The following RAPGEF5 variants were observed in gnomAD, a reference collection of about 807,000 sequenced individuals.
RAPGEF5 encodes the protein M-Ras-regulated GEF.
RAPGEF5 carries 65 observed loss-of-function variants against 125.2 expected under a neutral mutation model. The ratio of observed to expected loss-of-function variants is 0.52; its 90% CI spans 0.43 to 0.64. The LOEUF is 0.64. RAPGEF5 is among the 30% of genes least tolerant of loss of function. The pLI is 0.00. For missense variants in RAPGEF5, 958 were observed against 1,048.1 expected (o/e 0.91, Z 1.19); for synonymous variants, 391 against 385.9 (o/e 1.01, Z -0.16).
chr7:22,215,399 T>C (rs186361120), intron 9 of RAPGEF5, among the ~76,000 whole-genome samples: 2 of 152,350 alleles, frequency 1.3e-5, no homozygotes, highest in African/African-American at 4.8e-5. Flanking sequence ...GAAAGAATCC[T>C]GCTTTCTCAG....
intron 6 of RAPGEF5, among the ~76,000 whole-genome samples, chr7:22,267,956 T>A (rs1370020340): frequency 6.6e-6 from 1 of 152,100 alleles, no homozygotes; most frequent in Non-Finnish European, 1.5e-5. Flanking sequence ...AATTGCAGAT[T>A]TGCTATTCAA....
intron 1 of RAPGEF5, 103 bp from the exon 2 acceptor site, chr7:22,318,140 A>G (rs76573262): frequency 2.6e-6 from 2 of 771,822 alleles, no homozygotes; most frequent in Non-Finnish European, 1.8e-6. Context: ...TCTGCTATGA[A>G]AAAAAAAAAA....
intron 13 of RAPGEF5, among the ~76,000 whole-genome samples, chr7:22,160,857 T>A (rs777067891): frequency 1.8e-4 from 28 of 152,086 alleles, no homozygotes; most frequent in Non-Finnish European, 3.5e-4. Flanking sequence ...ATTCTAGAGA[T>A]CCCTAGCTGG....
At chr7:22,217,653 TAGAA>T (rs1391892777) in intron 9 of RAPGEF5, among the ~76,000 whole-genome samples, 1 of 152,200 alleles carries the variant, frequency 6.6e-6, no homozygotes, top group Admixed American at 6.5e-5. Context: ...TATTTATCAC[TAGAA>T]AGAAAGATCC....
At chr7:22,248,016 A>G (rs1255457878) in intron 7 of RAPGEF5, among the ~76,000 whole-genome samples, 4 of 152,204 alleles carry the variant, frequency 2.6e-5, no homozygotes, top group Non-Finnish European at 5.9e-5. Flanking sequence ...ACTATTACGT[A>G]CCATGCTCAG....
intron 11 of RAPGEF5, chr7:22,191,310 G>A (rs528086134): frequency 4.8e-6 from 1 of 209,616 alleles, no homozygotes; most frequent in East Asian, 9.2e-5. Context: ...CTTGAAGTTT[G>A]GAAGAGCTAC....
intron 11 of RAPGEF5, among the ~76,000 whole-genome samples, chr7:22,190,062 A>C (rs1436293914): frequency 6.6e-6 from 1 of 152,166 alleles, no homozygotes; most frequent in Non-Finnish European, 1.5e-5. Context: ...CAGGTGGATC[A>C]CGAGATCAGG....
At chr7:22,147,243 C>T (rs1431334959) in intron 18 of RAPGEF5, among the ~76,000 whole-genome samples, 16 of 152,202 alleles carry the variant, frequency 1.1e-4, no homozygotes, top group African/African-American at 3.4e-4. Context: ...AGTTCGCCCG[C>T]TCCTCCCCCA....
intron 1 of RAPGEF5, among the ~76,000 whole-genome samples, chr7:22,351,058 A>G (rs1192791293): frequency 6.6e-6 from 1 of 152,204 alleles, no homozygotes; most frequent in Non-Finnish European, 1.5e-5. Flanking sequence ...GTGAATTCAC[A>G]AGGTTTTTGG....
At chr7:22,142,630 A>C (rs1783300671) in intron 20 of RAPGEF5, among the ~76,000 whole-genome samples, 1 of 152,248 alleles carries the variant, frequency 6.6e-6, no homozygotes, top group Non-Finnish European at 1.5e-5. Context: ...CAAATATTAG[A>C]TGCCATTCCA....
In RAPGEF5 at chr7:22,301,113, G is replaced by A. The variant is rs144673704; in HGVS notation, c.680+7226C>T. 4.6e-5 allele frequency among the ~76,000 whole-genome samples: 7 copies of A among 152,280 alleles called. 1 individual carries two copies. Among genetic ancestry groups the A allele is most frequent in the African/African-American group, 1.2e-4 (5 of 41,556 alleles). On this transcript the variant is annotated intron_variant, in intron 5 of 25. Transcript: ENST00000665637. ...CTTTTGTTTACTTTTGAGGGGCCTC[G>A]GGTAGTTATTGTTTGTATTTTATCT...
chr7:22,318,790 G>T (rs2128155285), intron 1 of RAPGEF5, among the ~76,000 whole-genome samples: 1 of 152,206 alleles, frequency 6.6e-6, no homozygotes, highest in East Asian at 1.9e-4. Context: ...CTCCTGCTGG[G>T]GTACGCTCCT....
At position 22,303,795 on chromosome 7, in the gene RAPGEF5, G is replaced by T. The variant is rs139001875; in HGVS notation, c.680+4544C>A. Among the ~76,000 whole-genome samples the T allele has an allele frequency of 2.9e-3, 439 of 152,362 alleles. 1 individual carries two copies. Among genetic ancestry groups the T allele is most frequent in the African/African-American group, 0.01 (428 of 41,600 alleles). ...TTTTTAAATACAAAATGCAAGAGCAGTAAGTTACTGAAAGCAGTAGCAACA... is the reference window on the plus strand; with the variant it reads ...TTTTTAAATACAAAATGCAAGAGCATTAAGTTACTGAAAGCAGTAGCAACA... On this transcript the variant is annotated intron_variant, in intron 5 of 25. Coordinates refer to ENST00000665637, the MANE Select transcript of RAPGEF5 (RefSeq NM_012294.5).
At chr7:22,258,919 T>C (rs1171781681) in intron 7 of RAPGEF5, among the ~76,000 whole-genome samples, 3 of 152,086 alleles carry the variant, frequency 2.0e-5, no homozygotes, top group Non-Finnish European at 2.9e-5. Flanking sequence ...TCCTAGACTA[T>C]AACATAGGAG....
At chr7:22,127,802 C>T (rs1483773892) in intron 24 of RAPGEF5, among the ~76,000 whole-genome samples, 1 of 152,188 alleles carries the variant, frequency 6.6e-6, no homozygotes, top group African/African-American at 2.4e-5. Flanking sequence ...TATGTTCTTA[C>T]TTAAAATTCA....
At chr7:22,129,426 G>A (rs1440571501) in intron 24 of RAPGEF5, among the ~76,000 whole-genome samples, 1 of 152,140 alleles carries the variant, frequency 6.6e-6, no homozygotes, top group Non-Finnish European at 1.5e-5. Flanking sequence ...CAAATCTCAT[G>A]TGTTGTTCTT....
At chr7:22,183,811 G>C (rs1403071161) in intron 11 of RAPGEF5, among the ~76,000 whole-genome samples, 1 of 152,154 alleles carries the variant, frequency 6.6e-6, no homozygotes, top group African/African-American at 2.4e-5. Context: ...TAACCTGTCA[G>C]AAAGTGGTTA....
chr7:22,295,171 A>G (rs1783031218), intron 5 of RAPGEF5, among the ~76,000 whole-genome samples: 2 of 152,240 alleles, frequency 1.3e-5, no homozygotes, highest in African/African-American at 4.8e-5. Flanking sequence ...GGGATGGTGG[A>G]AGAATGAGAA....
chr7:22,154,626 T>C, intron 16 of RAPGEF5, 22 bp from the exon 17 acceptor site: 1 of 1,609,032 alleles, frequency 6.2e-7, no homozygotes, highest in Non-Finnish European at 8.5e-7. Flanking sequence ...AAAAGAATTG[T>C]TTGGAAACAG....
Sources: allele counts gnomAD v4.1 joint callset (sites outside exome capture counted in the v4.1 genomes callset), GRCh38; gene constraint gnomAD v4.1.1; transcripts MANE v1.5; gene names NCBI Gene and HGNC (gene_info 2026-07-23, HGNC 2026-07-21).